The following LNX1 variants were observed in gnomAD, a reference collection of about 807,000 sequenced individuals.
The protein encoded by LNX1 is ligand of numb-protein X 1.
LNX1 carries 54 observed loss-of-function variants against 68.4 expected under a neutral mutation model. The ratio of observed to expected loss-of-function variants is 0.79; its 90% CI spans 0.63 to 0.99. The LOEUF is 0.99. Ranked by LOEUF, LNX1 falls within the 50% of genes least tolerant of loss-of-function variation. LNX1 has a pLI of 0.00. For synonymous variants in LNX1, 336 were observed against 350.0 expected (o/e 0.96, Z 0.45); for missense variants, 906 against 926.4 (o/e 0.98, Z 0.29).
intron 1 of LNX1, among the ~76,000 whole-genome samples, chr4:53,576,609 G>A (rs1731502723): frequency 6.6e-6 from 1 of 151,432 alleles, no homozygotes; most frequent in Non-Finnish European, 1.5e-5. Flanking sequence ...TAAGGGGAGG[G>A]GAAACATTAT....
At chr4:53,575,397 C>A in intron 1 of LNX1, 1 of 584,598 alleles carries the variant, frequency 1.7e-6, no homozygotes, top group Non-Finnish European at 2.2e-6. Context: ...TAGGAAGTCT[C>A]TTGCGTAGAA....
At chr4:53,472,697 A>C (rs1299657165) in intron 9 of LNX1, among the ~76,000 whole-genome samples, 10 of 133,320 alleles carry the variant, frequency 7.5e-5, no homozygotes, top group African/African-American at 1.3e-4. Flanking sequence ...AAAAAAAAAA[A>C]AACAAAAAAC....
At chr4:53,584,434 A>G (rs1037910712) in intron 1 of LNX1, among the ~76,000 whole-genome samples, 2 of 152,192 alleles carry the variant, frequency 1.3e-5, no homozygotes, top group Non-Finnish European at 2.9e-5. Context: ...ATACATGGCA[A>G]TGTGTATAAT....
rs1179429335 is a variant in LNX1 at position 53,478,626 on chromosome 4, A to C, written c.1602T>G (p.Pro534=). 6.2e-7 allele frequency: 1 copy of C among 1,614,142 alleles called. No homozygotes were observed. Among genetic ancestry groups the C allele is most frequent in the South Asian group, 1.1e-5 (1 of 91,064 alleles). The change falls in exon 8 of 11, where the codon CCT becomes CCG. Residue 534 remains proline (P), a synonymous_variant. Transcript: ENST00000263925. ...CGGGCTCAACACTGATGACATAGATAGGCAAATCCCATTCTCTATGTGATG... is the reference window on the plus strand; with the variant it reads ...CGGGCTCAACACTGATGACATAGATCGGCAAATCCCATTCTCTATGTGATG... The part of the protein sequence containing the change: ...GGASHREWDL[P]IYVISVEPGG...
upstream of LNX1, among the ~76,000 whole-genome samples, chr4:53,619,431 T>G (rs1311083840): frequency 1.3e-5 from 2 of 152,214 alleles, no homozygotes; most frequent in Non-Finnish European, 2.9e-5. Context: ...ACATTTCATA[T>G]AAATGGAATC....
intron 3 of LNX1, 89 bp from the exon 4 acceptor site, chr4:53,507,558 C>G: frequency 7.2e-7 from 1 of 1,395,076 alleles, no homozygotes; most frequent in South Asian, 1.3e-5. Context: ...CACAATAAGA[C>G]ATTAACAGTG....
intron 1 of LNX1, among the ~76,000 whole-genome samples, chr4:53,574,981 CG>C (rs71662238): frequency 0.27 from 35,156 of 130,916 alleles, 4,914 homozygotes; most frequent in Non-Finnish European, 0.35. Flanking sequence ...TTAGATATTT[CG>C]TTTTTTTTTT....
intron 2 of LNX1, chr4:53,523,332 G>C (rs1354856642): frequency 1.3e-5 from 2 of 152,208 alleles, no homozygotes; most frequent in Admixed American, 1.3e-4. Flanking sequence ...GGTCACCCAG[G>C]CTGAAGTAAT....
intron 1 of LNX1, among the ~76,000 whole-genome samples, chr4:53,650,635 G>A (rs1371656374): frequency 6.6e-6 from 1 of 152,100 alleles, no homozygotes; most frequent in Non-Finnish European, 1.5e-5. Context: ...AATTAGATCT[G>A]TCTAGCTCTT....
intron 2 of LNX1, among the ~76,000 whole-genome samples, chr4:53,521,682 T>G (rs1265464545): frequency 2.6e-5 from 4 of 152,086 alleles, no homozygotes; most frequent in Admixed American, 2.6e-4. Context: ...CCAAAAATTG[T>G]GTTATGCAAA....
chr4:53,512,552 T>C (rs926696150), intron 2 of LNX1, among the ~76,000 whole-genome samples: 16 of 150,938 alleles, frequency 1.1e-4, no homozygotes, highest in African/African-American at 3.4e-4. Context: ...AAAGAGGGCT[T>C]TCCTATGATT....
At chr4:53,600,531 A>G (rs1250639943) in intron 2 of LNX1, among the ~76,000 whole-genome samples, 21 of 152,102 alleles carry the variant, frequency 1.4e-4, no homozygotes, top group Non-Finnish European at 1.9e-4. Flanking sequence ...AAAGAATACA[A>G]GAAAGAGAAT....
intron 2 of LNX1, among the ~76,000 whole-genome samples, chr4:53,525,805 G>A (rs1727569097): frequency 6.6e-6 from 1 of 152,194 alleles, no homozygotes. Context: ...AGGGCACTCT[G>A]AAGGCCAGGA....
chr4:53,612,596 A>G (rs1733537882), intron 2 of LNX1, among the ~76,000 whole-genome samples: 1 of 152,098 alleles, frequency 6.6e-6, no homozygotes. Context: ...GAGGCAGGAG[A>G]ATTGCTTGAG....
intron 9 of LNX1, among the ~76,000 whole-genome samples, chr4:53,470,795 C>A (rs563323571): frequency 6.6e-6 from 1 of 152,002 alleles, no homozygotes; most frequent in South Asian, 2.1e-4. Context: ...ACGTGAAGGA[C>A]CTCTTCAAGG....
At chr4:53,530,323 AG>A (rs951194910) in intron 2 of LNX1, among the ~76,000 whole-genome samples, 3 of 152,242 alleles carry the variant, frequency 2.0e-5, no homozygotes, top group African/African-American at 4.8e-5. Context: ...AACATATAAA[AG>A]GTATACAAAA....
chr4:53,544,331 C>T (rs1437573163), intron 2 of LNX1, among the ~76,000 whole-genome samples: 3 of 152,078 alleles, frequency 2.0e-5, no homozygotes, highest in African/African-American at 7.2e-5. Context: ...GTAGCTGGGA[C>T]TACAGGCGCA....
chr4:53,550,997 G>C (rs1490026353), intron 2 of LNX1, among the ~76,000 whole-genome samples: 1 of 152,186 alleles, frequency 6.6e-6, no homozygotes, highest in African/African-American at 2.4e-5. Flanking sequence ...GCCCCAAAAT[G>C]AATGTTCTTG....
intron 9 of LNX1, among the ~76,000 whole-genome samples, chr4:53,466,003 T>G (rs1363930440): frequency 1.3e-5 from 2 of 152,206 alleles, no homozygotes; most frequent in Non-Finnish European, 2.9e-5. Flanking sequence ...TTCAAAAAAT[T>G]ATTTTGGCTT....
Sources: allele counts gnomAD v4.1 joint callset (sites outside exome capture counted in the v4.1 genomes callset), GRCh38; gene constraint gnomAD v4.1.1; transcripts MANE v1.5; gene names NCBI Gene and HGNC (gene_info 2026-07-23, HGNC 2026-07-21).